ASTN2: variants seen among roughly 807,000 people sequenced by gnomAD.
The protein encoded by ASTN2 is astrotactin-2.
A neutral mutation model predicts 139.8 loss-of-function variants in ASTN2; 54 were observed. The ratio of observed to expected loss-of-function variants is 0.39; its 90% CI spans 0.31 to 0.48. The LOEUF is 0.48. ASTN2 is among the 20% of genes least tolerant of loss of function. ASTN2 has a pLI of 0.95. For synonymous variants in ASTN2, 756 were observed against 719.5 expected, an observed-to-expected ratio of 1.05 and a Z score of -0.81; for missense variants, 1,565 against 1,725.1, an observed-to-expected ratio of 0.91 and a Z score of 1.64.
At chr9:116,474,317 C>T (rs1848910391) in intron 20 of ASTN2, among the ~76,000 whole-genome samples, 1 of 152,122 alleles carries the variant, frequency 6.6e-6, no homozygotes, top group South Asian at 2.1e-4. Context: ...CCTCCCTGGG[C>T]TTTAGTTTTT....
intron 16 of ASTN2, among the ~76,000 whole-genome samples, chr9:116,688,629 ACCACCGGTCCCCCGGC>A (rs1860399146): frequency 6.8e-6 from 1 of 147,170 alleles, no homozygotes; most frequent in South Asian, 2.1e-4. Flanking sequence ...CTCCATTCTG[ACCACCGGTCCCCCGGC>A]CCACTGAAAG....
rs531331607 is a variant in ASTN2, at chr9:116,515,592, A to G, written c.3356-28092T>C. Among the ~76,000 whole-genome samples, 4 of 152,302 alleles carry G rather than the reference A, an allele frequency of 2.6e-5. No individual in the cohort carries two copies. The South Asian group carries it at 8.3e-4, about 32-fold the overall frequency. ...CAGAGCTGGGTGCCTGATATGCCAT[A>G]TAGGGATACACTCTACTTTTGGACT... On this transcript the variant is annotated intron_variant, in intron 19 of 22. Transcript: ENST00000313400.
At chr9:116,999,279 A>G (rs1588469423) in intron 7 of ASTN2, among the ~76,000 whole-genome samples, 1 of 152,142 alleles carries the variant, frequency 6.6e-6, no homozygotes, top group East Asian at 1.9e-4. Context: ...GTATCTTGCC[A>G]CTAATTTACG....
chr9:117,041,320 G>A (rs1176696093), intron 5 of ASTN2, among the ~76,000 whole-genome samples: 1 of 151,788 alleles, frequency 6.6e-6, no homozygotes, highest in African/African-American at 2.4e-5. Flanking sequence ...ATATCTTTCT[G>A]TGGCTATCCA....
chr9:116,804,395 T>C (rs1830976237), intron 13 of ASTN2, among the ~76,000 whole-genome samples: 1 of 152,076 alleles, frequency 6.6e-6, no homozygotes, highest in Non-Finnish European at 1.5e-5. Flanking sequence ...AAAATGAAAT[T>C]ATCTTGGCTC....
chr9:117,250,063 T>G (rs182969816), intron 2 of ASTN2, among the ~76,000 whole-genome samples: 2 of 152,362 alleles, frequency 1.3e-5, no homozygotes, highest in Admixed American at 6.5e-5. Context: ...CATTGCCCAC[T>G]GCCCCCGCAG....
chr9:116,594,947 GTACATACATACA>G (rs777881306), intron 19 of ASTN2, among the ~76,000 whole-genome samples: 1 of 151,984 alleles, frequency 6.6e-6, no homozygotes, highest in Non-Finnish European at 1.5e-5. Context: ...AAATACATAG[GTACATACATACA>G]TACACACATA....
chr9:117,124,015 T>C (rs1004287226), intron 4 of ASTN2, among the ~76,000 whole-genome samples: 25 of 152,140 alleles, frequency 1.6e-4, no homozygotes, highest in Admixed American at 2.6e-4. Flanking sequence ...TTGCATCGAA[T>C]TTATAGGAAT....
Position 116,517,139 on chromosome 9 carries a change from C to T in ASTN2, c.3356-29639G>A, listed in dbSNP as rs10983212. On this transcript the variant is annotated intron_variant, in intron 19 of 22. Coordinates refer to ENST00000313400, the MANE Select transcript of ASTN2 (RefSeq NM_001365068.1). ...ATCAGGTGTCCCTAGGGTAAGTCTG[C>T]ATCCTCCCAATAGGACCACAGCTGA... is the stretch of plus-strand genomic sequence containing the variant. Among the ~76,000 whole-genome samples, 2,837 of 152,292 alleles carry T rather than the reference C, an allele frequency of 0.019. 383 individuals carry two copies. In the South Asian group the frequency reaches 0.28, roughly 15 times the overall value.
At chr9:117,127,922 CA>C (rs948160438) in intron 4 of ASTN2, among the ~76,000 whole-genome samples, 2 of 151,868 alleles carry the variant, frequency 1.3e-5, no homozygotes, top group Non-Finnish European at 2.9e-5. Flanking sequence ...CCTCGTGATC[CA>C]CCCGCCTCGG....
At chr9:116,550,178 A>G (rs1852279565) in intron 19 of ASTN2, among the ~76,000 whole-genome samples, 1 of 152,180 alleles carries the variant, frequency 6.6e-6, no homozygotes, top group East Asian at 1.9e-4. Flanking sequence ...ATCTCAGACC[A>G]CAAAATTGGA....
Position 116,839,859 on chromosome 9 carries a change from C to CATT in ASTN2, c.2041-19079_2041-19077dup, listed in dbSNP as rs749979493. 7.8e-3 allele frequency among the ~76,000 whole-genome samples: 985 copies of CATT among 125,872 alleles called. 13 individuals carry two copies. The highest frequency in any genetic ancestry group is 0.072 in the East Asian group (248 of 3,456). The allele number at this position is 125,872 out of a possible 152,430, so 82.6% of individuals were successfully genotyped here. ...CTGATTTTTTTATTTTATTTTATTT[C>CATT]ATTATTATTATTATTATTATTATTT... On this transcript the variant is annotated intron_variant, in intron 11 of 22. Transcript: ENST00000313400.
chr9:117,399,366 A>G (rs1830762849), intron 1 of ASTN2, among the ~76,000 whole-genome samples: 1 of 152,192 alleles, frequency 6.6e-6, no homozygotes, highest in African/African-American at 2.4e-5. Context: ...CAGAAAAGAT[A>G]TTTTTAAAAT....
chr9:117,293,425 C>A (rs1834645506), intron 1 of ASTN2, among the ~76,000 whole-genome samples: 1 of 139,132 alleles, frequency 7.2e-6, no homozygotes, highest in Non-Finnish European at 1.6e-5. Flanking sequence ...AAGTAAAAGA[C>A]AAAGTGGTGA....
chr9:116,763,672 T>C (rs993197542), intron 13 of ASTN2, among the ~76,000 whole-genome samples: 3 of 152,192 alleles, frequency 2.0e-5, no homozygotes, highest in Admixed American at 6.5e-5. Context: ...TAAGGTCTTT[T>C]ACCTCTCTGA....
At chr9:116,775,809 A>AGGAGGGAAGGG (rs1210530236) in intron 13 of ASTN2, among the ~76,000 whole-genome samples, 1 of 115,800 alleles carries the variant, frequency 8.6e-6, no homozygotes, top group Non-Finnish European at 1.9e-5. Flanking sequence ...GGAGGGAAGG[A>AGGAGGGAAGGG]AGAAAGGAAG....
intron 10 of ASTN2, among the ~76,000 whole-genome samples, chr9:116,866,638 G>A (rs987440390): frequency 6.6e-6 from 1 of 152,014 alleles, no homozygotes; most frequent in Non-Finnish European, 1.5e-5. Flanking sequence ...TGGGCGTGGT[G>A]GCTCACACCT....
At chr9:117,037,050 A>C (rs1838403097) in intron 6 of ASTN2, among the ~76,000 whole-genome samples, 1 of 152,134 alleles carries the variant, frequency 6.6e-6, no homozygotes, top group African/African-American at 2.4e-5. Flanking sequence ...ACTCAGCTTT[A>C]ATTCAGGCAA....
intron 4 of ASTN2, among the ~76,000 whole-genome samples, chr9:117,106,104 C>T (rs1829095800): frequency 6.6e-6 from 1 of 152,192 alleles, no homozygotes; most frequent in African/African-American, 2.4e-5. Context: ...TTTCTAGATT[C>T]CGTCCAGACT....
Sources: allele counts gnomAD v4.1 joint callset (sites outside exome capture counted in the v4.1 genomes callset), GRCh38; gene constraint gnomAD v4.1.1; transcripts MANE v1.5; gene names NCBI Gene and HGNC (gene_info 2026-07-23, HGNC 2026-07-21).